RBFOX2: variants seen among roughly 807,000 people sequenced by gnomAD.
The protein encoded by RBFOX2 is RNA binding protein fox-1 homolog 2.
Under a neutral mutation model 49.1 loss-of-function variants are expected in RBFOX2, and 10 were observed. That is an observed-to-expected ratio of 0.20 (90% CI 0.13 to 0.35). The LOEUF (loss-of-function observed/expected upper bound fraction) is 0.35, where lower values mean the gene tolerates loss of function less well. RBFOX2 is among the 10% of genes least tolerant of loss of function. RBFOX2 has a pLI of 1.00. For synonymous variants in RBFOX2, 183 were observed against 187.4 expected, an observed-to-expected ratio of 0.98 and a Z score of 0.19; for missense variants, 323 against 486.9, an observed-to-expected ratio of 0.66 and a Z score of 3.17.
chr22:35,915,338 G>A (rs1209527329), intron 1 of RBFOX2, among the ~76,000 whole-genome samples: 1 of 152,220 alleles, frequency 6.6e-6, no homozygotes, highest in African/African-American at 2.4e-5. Flanking sequence ...TTGAGGCAAT[G>A]CCCTTCAATT....
At chr22:35,831,209 C>G (rs763609868) in intron 1 of RBFOX2, among the ~76,000 whole-genome samples, 2 of 152,038 alleles carry the variant, frequency 1.3e-5, no homozygotes, top group African/African-American at 2.4e-5. Flanking sequence ...TTTGGGAGGC[C>G]GAGGTGGGCA....
At chr22:35,982,947 G>C (rs1202897952) in intron 1 of RBFOX2, among the ~76,000 whole-genome samples, 1 of 151,992 alleles carries the variant, frequency 6.6e-6, no homozygotes, top group African/African-American at 2.4e-5. Context: ...CTCTTTCTTT[G>C]ACAGCTGTTT....
chr22:35,856,275 G>T (rs776552361), intron 1 of RBFOX2, among the ~76,000 whole-genome samples: 20 of 152,228 alleles, frequency 1.3e-4, no homozygotes, highest in South Asian at 8.3e-4. Context: ...TCTGTACACC[G>T]ACATACAACC....
At chr22:35,840,632 G>C, upstream of RBFOX2, 1 of 468,500 alleles carries the variant, frequency 2.1e-6, no homozygotes, top group Non-Finnish European at 2.6e-6. Flanking sequence ...GCGTGTGTGC[G>C]TGTGTGTGTG....
intron 1 of RBFOX2, among the ~76,000 whole-genome samples, chr22:36,019,430 A>T (rs2059162417): frequency 6.6e-6 from 1 of 152,250 alleles, no homozygotes; most frequent in Non-Finnish European, 1.5e-5. Context: ...TTAAACAGTA[A>T]GCAGGAAGTT....
chr22:35,925,475 G>A (rs907464624), intron 1 of RBFOX2, among the ~76,000 whole-genome samples: 10 of 152,106 alleles, frequency 6.6e-5, no homozygotes, highest in Admixed American at 3.9e-4. Context: ...TCGAGGCTCC[G>A]CCACTGCACT....
At chr22:35,794,230 T>TAA (rs1948333503) in intron 2 of RBFOX2, among the ~76,000 whole-genome samples, 1 of 151,968 alleles carries the variant, frequency 6.6e-6, no homozygotes, top group Non-Finnish European at 1.5e-5. Flanking sequence ...TAAATCACCA[T>TAA]TTGCATGGAG....
chr22:36,011,760 AAAGG>A (rs2058831639), intron 1 of RBFOX2, among the ~76,000 whole-genome samples: 1 of 152,204 alleles, frequency 6.6e-6, no homozygotes, highest in African/African-American at 2.4e-5. Context: ...AGAAAATGTA[AAAGG>A]AAGAAGAAAA....
intron 2 of RBFOX2, among the ~76,000 whole-genome samples, chr22:35,808,747 G>A (rs1311516795): frequency 6.6e-6 from 1 of 152,116 alleles, no homozygotes; most frequent in Non-Finnish European, 1.5e-5. Context: ...TAGATGGGAG[G>A]CTGAGGCAGG....
At chr22:35,983,570 C>G (rs2057562387) in intron 1 of RBFOX2, among the ~76,000 whole-genome samples, 1 of 152,088 alleles carries the variant, frequency 6.6e-6, no homozygotes, top group Non-Finnish European at 1.5e-5. Context: ...GAAATAACAT[C>G]ATATCACCAC....
intron 1 of RBFOX2, among the ~76,000 whole-genome samples, chr22:35,906,024 G>A (rs370427689): frequency 6.6e-6 from 1 of 152,070 alleles, no homozygotes; most frequent in South Asian, 2.1e-4. Flanking sequence ...ATATAGTCAG[G>A]TATATATCTA....
intron 4 of RBFOX2, among the ~76,000 whole-genome samples, chr22:35,773,484 A>G (rs554674841): frequency 3.3e-5 from 5 of 152,206 alleles, no homozygotes; most frequent in African/African-American, 7.2e-5. Flanking sequence ...GGCTATCCCA[A>G]TTACTCTGAT....
chr22:35,891,284 C>T (rs1180833509), intron 1 of RBFOX2, among the ~76,000 whole-genome samples: 3 of 152,076 alleles, frequency 2.0e-5, no homozygotes, highest in African/African-American at 7.2e-5. Flanking sequence ...CAGGTGCGTG[C>T]CACCATGCCC....
chr22:35,949,665 A>G (rs1053571581), intron 1 of RBFOX2, among the ~76,000 whole-genome samples: 3 of 152,054 alleles, frequency 2.0e-5, no homozygotes, highest in Admixed American at 2.0e-4. Flanking sequence ...GCATCTTTTC[A>G]TGTCCTTTTC....
chr22:35,821,602 C>CAAAAAAAAAAA (rs1158936385), intron 1 of RBFOX2, among the ~76,000 whole-genome samples: 4 of 36,450 alleles, frequency 1.1e-4, no homozygotes, highest in African/African-American at 1.9e-4. Context: ...ACTCCGTCTC[C>CAAAAAAAAAAA]AAAAAAAAAA....
intron 1 of RBFOX2, among the ~76,000 whole-genome samples, chr22:35,886,468 G>A (rs1476971360): frequency 6.6e-6 from 1 of 152,186 alleles, no homozygotes; most frequent in African/African-American, 2.4e-5. Flanking sequence ...CCTGTGAAAT[G>A]TGTTGTTAGG....
At chr22:35,903,622 T>C (rs970028002) in intron 1 of RBFOX2, among the ~76,000 whole-genome samples, 1 of 152,124 alleles carries the variant, frequency 6.6e-6, no homozygotes, top group Non-Finnish European at 1.5e-5. Flanking sequence ...ATGCCCAAAA[T>C]TGGGTCCTTA....
At chr22:35,926,594 G>A (rs558536036) in intron 1 of RBFOX2, among the ~76,000 whole-genome samples, 1 of 152,202 alleles carries the variant, frequency 6.6e-6, no homozygotes, top group East Asian at 1.9e-4. Flanking sequence ...CCTAAACTAA[G>A]CAAAAAGAGG....
chr22:35,848,734 G>C (rs186316203), intron 1 of RBFOX2, among the ~76,000 whole-genome samples: 1 of 152,290 alleles, frequency 6.6e-6, no homozygotes, highest in East Asian at 1.9e-4. Context: ...CAAACTGACA[G>C]ACCAAGTAGT....
Sources: allele counts gnomAD v4.1 joint callset (sites outside exome capture counted in the v4.1 genomes callset), GRCh38; gene constraint gnomAD v4.1.1; transcripts MANE v1.5; gene names NCBI Gene and HGNC (gene_info 2026-07-23, HGNC 2026-07-21).